The following PSMD1 variants were observed in gnomAD, a reference collection of about 807,000 sequenced individuals.
PSMD1 encodes the protein proteasome 26S subunit, non-ATPase 1.
Under a neutral mutation model 119.0 loss-of-function variants are expected in PSMD1, and 18 were observed. That is an observed-to-expected ratio of 0.15 (90% CI 0.10 to 0.22). The LOEUF (loss-of-function observed/expected upper bound fraction) is 0.22, where lower values mean the gene tolerates loss of function less well. PSMD1 is among the 10% of genes least tolerant of loss of function. The pLI is 1.00. For missense variants in PSMD1, 702 were observed against 1,158.5 expected (o/e 0.61, Z 5.72); for synonymous variants, 374 against 396.6 (o/e 0.94, Z 0.68).
rs778979366 is a variant in PSMD1, at chr2:231,067,130, T to C, written c.510+19T>C. 1 of 1,530,230 alleles carries C rather than the reference T, an allele frequency of 6.5e-7. No individual in the cohort carries two copies. The highest frequency in any genetic ancestry group is 1.2e-5 in the South Asian group (1 of 80,062). 94.8% of individuals were successfully genotyped at this position (1,530,230 alleles called of 1,614,324 possible). The stretch of plus-strand genomic sequence containing the variant: ...GGAGTCGGTAGGTAGATGATGTTAT[T>C]TTAGAAATTATTGTTGATAGGGAAT... On this transcript the variant is annotated intron_variant, in intron 5 of 24. Coordinates refer to ENST00000308696, the MANE Select transcript of PSMD1 (RefSeq NM_002807.4).
At chr2:231,158,232 G>T (rs1574776207) in intron 19 of PSMD1, among the ~76,000 whole-genome samples, 1 of 152,028 alleles carries the variant, frequency 6.6e-6, no homozygotes, top group East Asian at 1.9e-4. Context: ...AATTGCTTGA[G>T]CCTGGAGGTG....
intron 16 of PSMD1, among the ~76,000 whole-genome samples, chr2:231,115,300 A>C (rs1297295312): frequency 2.0e-5 from 3 of 152,092 alleles, no homozygotes; most frequent in African/African-American, 7.2e-5. Flanking sequence ...TTCAGTGAAA[A>C]ATATCTGGGC....
At chr2:231,079,731 A>T (rs567974003) in intron 11 of PSMD1, 117 bp downstream of exon 11, 17 of 620,792 alleles carry the variant, frequency 2.7e-5, no homozygotes, top group Non-Finnish European at 3.7e-5. Context: ...AAGTCAGATA[A>T]GTCATTTTGT....
chr2:231,080,831 C>T (rs931275164), intron 12 of PSMD1, among the ~76,000 whole-genome samples: 1 of 152,052 alleles, frequency 6.6e-6, no homozygotes, highest in Non-Finnish European at 1.5e-5. Context: ...AAACCTTGCC[C>T]TCATGCATAA....
chr2:231,156,326 A>G (rs900984169), intron 19 of PSMD1, among the ~76,000 whole-genome samples: 4 of 152,264 alleles, frequency 2.6e-5, no homozygotes, highest in South Asian at 4.2e-4. Flanking sequence ...CTTACAATCA[A>G]TGAGCCAATA....
At chr2:231,139,026 G>C in intron 17 of PSMD1, 176 bp downstream of exon 17, 1 of 693,496 alleles carries the variant, frequency 1.4e-6, no homozygotes, top group Non-Finnish European at 2.7e-6. Flanking sequence ...GCCCAAAGCT[G>C]CTTAAGAATA....
intron 19 of PSMD1, among the ~76,000 whole-genome samples, chr2:231,161,084 C>G (rs1242284520): frequency 6.6e-6 from 1 of 151,956 alleles, no homozygotes; most frequent in Admixed American, 6.6e-5. Flanking sequence ...TGGCGGCCCG[C>G]ACATGTAGTC....
chr2:231,165,136 C>T (rs1696747619), intron 21 of PSMD1, 64 bp from the exon 22 acceptor site: 1 of 1,249,878 alleles, frequency 8.0e-7, no homozygotes, highest in African/African-American at 1.6e-5. Flanking sequence ...ACTGAGTTCT[C>T]TAGGGCTTGC....
chr2:231,144,570 C>G (rs1025328440), intron 17 of PSMD1, among the ~76,000 whole-genome samples: 4 of 151,704 alleles, frequency 2.6e-5, no homozygotes, highest in Non-Finnish European at 4.4e-5. Flanking sequence ...TCTGCCACCA[C>G]GCCCAGCTAA....
intron 6 of PSMD1, among the ~76,000 whole-genome samples, chr2:231,070,805 G>A (rs543920749): frequency 6.6e-6 from 1 of 151,950 alleles, no homozygotes; most frequent in Non-Finnish European, 1.5e-5. Context: ...GTGTGCATGG[G>A]TTTACTTTTT....
intron 16 of PSMD1, among the ~76,000 whole-genome samples, chr2:231,098,447 T>TTCTC (rs372348373): frequency 6.6e-6 from 1 of 150,626 alleles, no homozygotes; most frequent in Admixed American, 6.6e-5. Flanking sequence ...CTCTGTCTCT[T>TTCTC]TCTCTCTCTC....
At chr2:231,098,100 C>T (rs1005289436) in intron 16 of PSMD1, among the ~76,000 whole-genome samples, 2 of 152,202 alleles carry the variant, frequency 1.3e-5, no homozygotes, top group Non-Finnish European at 2.9e-5. Context: ...CGCAGGGTGC[C>T]GGACTGCTTT....
intron 16 of PSMD1, among the ~76,000 whole-genome samples, chr2:231,109,865 G>T (rs1488679058): frequency 1.3e-5 from 2 of 152,088 alleles, no homozygotes; most frequent in Non-Finnish European, 2.9e-5. Context: ...TGAGGTTACA[G>T]TTTCATTTAA....
chr2:231,061,868 C>T (rs542733492), intron 2 of PSMD1, among the ~76,000 whole-genome samples: 27 of 152,266 alleles, frequency 1.8e-4, no homozygotes, highest in Admixed American at 4.6e-4. Context: ...CCACACCTTC[C>T]GCTTCCCCCG....
At chr2:231,120,910 G>T (rs926425796) in intron 16 of PSMD1, among the ~76,000 whole-genome samples, 2 of 152,146 alleles carry the variant, frequency 1.3e-5, no homozygotes, top group African/African-American at 4.8e-5. Flanking sequence ...TCTTATAAAT[G>T]CATTAGTTTA....
chr2:231,152,913 T>C (rs1037338983), intron 18 of PSMD1, among the ~76,000 whole-genome samples: 1 of 152,198 alleles, frequency 6.6e-6, no homozygotes, highest in Non-Finnish European at 1.5e-5. Flanking sequence ...AAATATATGT[T>C]CTAATCATAA....
At chr2:231,061,372 G>A (rs1378692538) in intron 2 of PSMD1, 62 bp downstream of exon 2, 1 of 1,321,116 alleles carries the variant, frequency 7.6e-7, no homozygotes, top group East Asian at 2.4e-5. Flanking sequence ...TTTGAATTTA[G>A]TGATATCTGT....
intron 6 of PSMD1, 55 bp from the exon 7 acceptor site, chr2:231,072,134 A>G: frequency 7.0e-7 from 1 of 1,433,408 alleles, no homozygotes; most frequent in Non-Finnish European, 9.8e-7. Flanking sequence ...CTCCTTAAGT[A>G]CCTTGTAGAT....
chr2:231,070,472 G>C (rs1694016303), intron 6 of PSMD1, among the ~76,000 whole-genome samples: 2 of 151,974 alleles, frequency 1.3e-5, no homozygotes, highest in Admixed American at 1.3e-4. Flanking sequence ...TTTTTAAAAA[G>C]CTAGAAGATT....
Sources: allele counts gnomAD v4.1 joint callset (sites outside exome capture counted in the v4.1 genomes callset), GRCh38; gene constraint gnomAD v4.1.1; transcripts MANE v1.5; gene names NCBI Gene and HGNC (gene_info 2026-07-23, HGNC 2026-07-21).